The following DNAH5 variants were observed in gnomAD, a reference collection of about 807,000 sequenced individuals.
DNAH5 encodes the protein dynein axonemal heavy chain 5, also known as axonemal beta dynein heavy chain 5.
In DNAH5, 372 loss-of-function variants were observed where a neutral mutation model predicts 518.2. The ratio of observed to expected loss-of-function variants is 0.72; its 90% CI spans 0.66 to 0.78. The LOEUF (loss-of-function observed/expected upper bound fraction) is 0.78, where lower values mean the gene tolerates loss of function less well. DNAH5 is among the 30% of genes least tolerant of loss of function. DNAH5 has a pLI of 0.00. For synonymous variants in DNAH5, 2,039 were observed against 2,025.9 expected (o/e 1.01, Z -0.17); for missense variants, 5,523 against 5,687.0 (o/e 0.97, Z 0.93).
chr5:13,742,134 A>G (rs998455013), intron 65 of DNAH5, among the ~76,000 whole-genome samples: 42 of 152,292 alleles, frequency 2.8e-4, no homozygotes, highest in Middle Eastern at 3.4e-3. Context: ...AATTTCACAT[A>G]TTATCATAAA....
intron 59 of DNAH5, among the ~76,000 whole-genome samples, chr5:13,765,763 A>C (rs1752432199): frequency 6.6e-6 from 1 of 152,358 alleles, no homozygotes; most frequent in Non-Finnish European, 1.5e-5. Context: ...CTTTTATTGA[A>C]GTATACATAA....
At chr5:13,747,410 G>T (rs980927879) in intron 65 of DNAH5, among the ~76,000 whole-genome samples, 1 of 152,180 alleles carries the variant, frequency 6.6e-6, no homozygotes, top group African/African-American at 2.4e-5. Context: ...ACCCAGTAAT[G>T]GGATGGCAGG....
intron 55 of DNAH5, among the ~76,000 whole-genome samples, chr5:13,773,166 G>T (rs1397955072): frequency 6.6e-6 from 1 of 152,106 alleles, no homozygotes; most frequent in Admixed American, 6.5e-5. Flanking sequence ...GTAGTATGCA[G>T]GCTGTAAATA....
chr5:13,812,791 G>A (rs916785750), intron 43 of DNAH5, among the ~76,000 whole-genome samples: 15 of 152,248 alleles, frequency 9.9e-5, no homozygotes, highest in East Asian at 5.8e-4. Context: ...AACACACAGC[G>A]TTTCCTTAAG....
chr5:13,816,211 G>C (rs1031934223), intron 42 of DNAH5, among the ~76,000 whole-genome samples: 7 of 152,174 alleles, frequency 4.6e-5, no homozygotes, highest in Non-Finnish European at 7.3e-5. Context: ...CAAAAAACTT[G>C]ACAGCAGTCA....
At chr5:13,693,058 C>T (rs1404670560) in intron 78 of DNAH5, among the ~76,000 whole-genome samples, 1 of 152,196 alleles carries the variant, frequency 6.6e-6, no homozygotes, top group Non-Finnish European at 1.5e-5. Flanking sequence ...TTTATCTGCA[C>T]ATCTCCTAAC....
intron 19 of DNAH5, among the ~76,000 whole-genome samples, chr5:13,883,484 T>C (rs750920716): frequency 6.6e-6 from 1 of 152,324 alleles, no homozygotes; most frequent in African/African-American, 2.4e-5. Flanking sequence ...AAGCCAAAGT[T>C]AGAACAAATA....
chr5:13,760,008 G>A (rs1053570164), intron 60 of DNAH5, among the ~76,000 whole-genome samples: 2 of 152,072 alleles, frequency 1.3e-5, no homozygotes, highest in African/African-American at 4.8e-5. Flanking sequence ...CAAAAGCATC[G>A]CTTGTAAGTT....
At chr5:13,760,393 T>G (rs1751615109) in intron 60 of DNAH5, among the ~76,000 whole-genome samples, 2 of 152,196 alleles carry the variant, frequency 1.3e-5, no homozygotes, top group South Asian at 4.1e-4. Flanking sequence ...GGACTTTTTA[T>G]GAGGATTAAA....
intron 18 of DNAH5, among the ~76,000 whole-genome samples, chr5:13,885,451 A>G (rs1407826777): frequency 2.0e-5 from 3 of 152,238 alleles, no homozygotes; most frequent in Non-Finnish European, 4.4e-5. Flanking sequence ...CTCCTTCTCA[A>G]TACAAGAAAA....
chr5:13,698,191 C>T (rs1741621109), intron 78 of DNAH5, among the ~76,000 whole-genome samples: 1 of 152,168 alleles, frequency 6.6e-6, no homozygotes, highest in Non-Finnish European at 1.5e-5. Context: ...GACTTCCCAG[C>T]CTCCAGAACC....
chr5:13,816,975 T>C (rs1761531131), intron 42 of DNAH5, among the ~76,000 whole-genome samples: 1 of 152,210 alleles, frequency 6.6e-6, no homozygotes, highest in Non-Finnish European at 1.5e-5. Context: ...CTGAGAACAT[T>C]GGGTTCAATT....
At chr5:13,862,520 TA>T in intron 29 of DNAH5, 27 bp downstream of exon 29, 3 of 1,607,592 alleles carry the variant, frequency 1.9e-6, no homozygotes, top group Non-Finnish European at 1.7e-6. Flanking sequence ...TTCTCAAATC[TA>T]AGGGAAAAGA....
chr5:13,716,810 C>T, intron 73 of DNAH5, 120 bp from the exon 74 acceptor site: 1 of 749,124 alleles, frequency 1.3e-6, no homozygotes. Flanking sequence ...TTCATCAGTA[C>T]TGCAAAGAGA....
At chr5:13,841,446 G>A (rs1041594312) in intron 33 of DNAH5, among the ~76,000 whole-genome samples, 8 of 152,070 alleles carry the variant, frequency 5.3e-5, no homozygotes, top group Admixed American at 1.3e-4. Flanking sequence ...GGAAAAAACC[G>A]TTTTAAATTA....
At chr5:13,950,433 C>T (rs555576012) in intron 1 of DNAH5, among the ~76,000 whole-genome samples, 6 of 152,228 alleles carry the variant, frequency 3.9e-5, no homozygotes, top group African/African-American at 1.4e-4. Flanking sequence ...TGCGCCACCA[C>T]GCCTGGCTAA....
At chr5:13,917,380 G>T in intron 7 of DNAH5, 124 bp from the exon 8 acceptor site, 1 of 740,416 alleles carries the variant, frequency 1.4e-6, no homozygotes, top group Non-Finnish European at 2.4e-6. Context: ...ACAGAAAACT[G>T]AATCCAGAGG....
intron 28 of DNAH5, among the ~76,000 whole-genome samples, chr5:13,863,556 G>A (rs1350411980): frequency 6.6e-6 from 1 of 151,720 alleles, no homozygotes; most frequent in Non-Finnish European, 1.5e-5. Context: ...CTCCTACCAT[G>A]TTCCCTTCAT....
At chr5:13,968,896 T>C in intron 1 of DNAH5, among the ~76,000 whole-genome samples, 1 of 152,188 alleles carries the variant, frequency 6.6e-6, no homozygotes. Flanking sequence ...TTGATATCAA[T>C]TCTTCTTTGA....
Sources: allele counts gnomAD v4.1 joint callset (sites outside exome capture counted in the v4.1 genomes callset), GRCh38; gene constraint gnomAD v4.1.1; transcripts MANE v1.5; gene names NCBI Gene and HGNC (gene_info 2026-07-23, HGNC 2026-07-21).